The following FOXP1 variants were observed in gnomAD, a reference collection of about 807,000 sequenced individuals.
The protein encoded by FOXP1 is forkhead box P1.
Under a neutral mutation model 98.2 loss-of-function variants are expected in FOXP1, and 15 were observed. The ratio of observed to expected loss-of-function variants is 0.15; its 90% CI spans 0.10 to 0.24. The LOEUF is 0.24. Among genes scored for constraint, FOXP1 ranks in the 10% least tolerant of loss-of-function variants. The pLI, the probability that FOXP1 is intolerant of heterozygous loss-of-function variation, is 1.00. For synonymous variants in FOXP1, 371 were observed against 314.5 expected (o/e 1.18, Z -1.90); for missense variants, 633 against 848.5 (o/e 0.75, Z 3.15).
intron 6 of FOXP1, among the ~76,000 whole-genome samples, chr3:71,180,359 T>C (rs1286746867): frequency 6.6e-6 from 1 of 152,042 alleles, no homozygotes; most frequent in Non-Finnish European, 1.5e-5. Context: ...TGGTTCTAGG[T>C]ACTAATCCCA....
intron 2 of FOXP1, among the ~76,000 whole-genome samples, chr3:71,531,832 A>G (rs1275092951): frequency 6.6e-6 from 1 of 152,200 alleles, no homozygotes; most frequent in Admixed American, 6.5e-5. Context: ...TCTAGACCCA[A>G]GATTTTGTAT....
chr3:71,060,333 A>C (rs1215616398), intron 7 of FOXP1, among the ~76,000 whole-genome samples: 1 of 152,136 alleles, frequency 6.6e-6, no homozygotes, highest in African/African-American at 2.4e-5. Flanking sequence ...AGTTAAGCTA[A>C]AGGGTGCAAA....
At chr3:71,378,767 A>G (rs1004211807) in intron 3 of FOXP1, among the ~76,000 whole-genome samples, 21 of 151,922 alleles carry the variant, frequency 1.4e-4, no homozygotes, top group African/African-American at 4.6e-4. Flanking sequence ...ATTAGTTATT[A>G]TTAATTTGTT....
At chr3:71,394,477 A>C (rs1422077395) in intron 3 of FOXP1, among the ~76,000 whole-genome samples, 3 of 152,178 alleles carry the variant, frequency 2.0e-5, no homozygotes, top group African/African-American at 7.2e-5. Flanking sequence ...ACCCACCATG[A>C]ATTTGTCTGC....
chr3:71,173,993 C>A lies in FOXP1; in HGVS notation c.180+24209G>T, dbSNP rs572394369. Among the ~76,000 whole-genome samples, 5 of 152,272 alleles carry A rather than the reference C, an allele frequency of 3.3e-5. No individual in the cohort carries two copies. The South Asian group carries it at 8.3e-4, about 25-fold the overall frequency. ...AGCAGGGGAACTTTACCACCCTCTA[C>A]ACAGAAAAAATACCCATCTATGCAT... On this transcript the variant is annotated intron_variant, in intron 6 of 20. Coordinates refer to ENST00000649528, the MANE Select transcript of FOXP1 (RefSeq NM_001349338.3).
intron 3 of FOXP1, among the ~76,000 whole-genome samples, chr3:71,381,919 A>T (rs1250190560): frequency 6.6e-6 from 1 of 152,222 alleles, no homozygotes; most frequent in Non-Finnish European, 1.5e-5. Context: ...ACCAAAAGCC[A>T]AGGAAATTGA....
intron 4 of FOXP1, among the ~76,000 whole-genome samples, chr3:71,329,334 GC>G (rs1264825600): frequency 6.6e-6 from 1 of 151,810 alleles, no homozygotes; most frequent in Admixed American, 6.6e-5. Context: ...CCATTCTCCT[GC>G]CTCAGCCTTC....
intron 17 of FOXP1, among the ~76,000 whole-genome samples, chr3:70,973,246 C>A (rs1251246555): frequency 1.3e-5 from 2 of 149,666 alleles, no homozygotes; most frequent in Non-Finnish European, 1.5e-5. Context: ...CCGCCCCCGC[C>A]CCGCCCCGCC....
chr3:71,337,909 C>T (rs7638193), intron 4 of FOXP1, among the ~76,000 whole-genome samples: 58,844 of 152,100 alleles, frequency 0.39, 13,455 homozygotes, highest in East Asian at 0.73. Context: ...ACAAGGGACT[C>T]AAGATATGTA....
rs73838131 is a variant in FOXP1, at chr3:71,017,700, C to T, written c.870-2047G>A. 9.4e-3 allele frequency among the ~76,000 whole-genome samples: 1,430 copies of T among 152,102 alleles called. 16 individuals are homozygous for T. Among genetic ancestry groups the T allele is most frequent in the African/African-American group, 0.033 (1,389 of 41,510 alleles). On this transcript the variant is annotated intron_variant, in intron 11 of 20. Coordinates refer to ENST00000649528, the MANE Select transcript of FOXP1 (RefSeq NM_001349338.3). ...CTCTAGTTATATGCCAAAATTTAACCATTCCTCTATTTTGGACATTGAGTT... is the reference window on the plus strand; with the variant it reads ...CTCTAGTTATATGCCAAAATTTAACTATTCCTCTATTTTGGACATTGAGTT...
At chr3:71,428,679 A>G (rs756859472) in intron 3 of FOXP1, among the ~76,000 whole-genome samples, 1 of 152,236 alleles carries the variant, frequency 6.6e-6, no homozygotes, top group Non-Finnish European at 1.5e-5. Flanking sequence ...CCCTTCAAGA[A>G]GCAGAGTCAT....
rs1577091142 is a variant in FOXP1 at position 71,351,636 on chromosome 3, A to ATTT, written c.-73+7513_-73+7514insAAA. ...CCCCAGATTCACCCTGGTAAATAAA[A>ATTT]AGCCTTCCAGGTGAATGTTTCCAAG... On this transcript the variant is annotated intron_variant, in intron 4 of 20. Transcript: ENST00000649528. Among the ~76,000 whole-genome samples the ATTT allele has an allele frequency of 2.8e-4, 42 of 152,310 alleles. No individual in the cohort carries two copies. In the East Asian group the frequency reaches 7.9e-3, roughly 29 times the overall value.
rs10546380 is a variant in FOXP1, at chr3:71,009,155, C to CGGG, written c.974+6391_974+6393dup. ...TGGTTGGTCAATGAAATCATGGGGG[C>CGGG]GGGGGGGGGGGGGCGCATGACACAC... On this transcript the variant is annotated intron_variant, in intron 12 of 20. Coordinates refer to ENST00000649528, the MANE Select transcript of FOXP1 (RefSeq NM_001349338.3). Among the ~76,000 whole-genome samples, 6 of 20,790 alleles carry CGGG rather than the reference C, an allele frequency of 2.9e-4. 1 individual carries two copies. Among genetic ancestry groups the CGGG allele is most frequent in the Admixed American group, 5.7e-4 (1 of 1,754 alleles). The allele number at this position is 20,790 out of a possible 152,430, so 13.6% of individuals were successfully genotyped here. A position where few individuals can be genotyped will look rare whatever the true frequency, so the allele number is the denominator to read the frequency against.
intron 7 of FOXP1, among the ~76,000 whole-genome samples, chr3:71,058,077 A>C (rs1391367654): frequency 1.3e-5 from 2 of 152,164 alleles, no homozygotes; most frequent in African/African-American, 2.4e-5. Flanking sequence ...GGGAAGGGAA[A>C]AATCTAAAAA....
chr3:70,966,683 A>G (rs1209160204), intron 19 of FOXP1, among the ~76,000 whole-genome samples: 1 of 152,202 alleles, frequency 6.6e-6, no homozygotes, highest in Admixed American at 6.5e-5. Context: ...AGTCCGACCA[A>G]TTGCCTAGGA....
At chr3:71,315,251 G>C (rs2075005574) in intron 4 of FOXP1, among the ~76,000 whole-genome samples, 1 of 152,110 alleles carries the variant, frequency 6.6e-6, no homozygotes, top group South Asian at 2.1e-4. Context: ...GTGGGGAAAA[G>C]GCACAGAACC....
At chr3:71,330,330 T>A (rs1577003148) in intron 4 of FOXP1, among the ~76,000 whole-genome samples, 1 of 152,238 alleles carries the variant, frequency 6.6e-6, no homozygotes, top group East Asian at 1.9e-4. Flanking sequence ...TATAAACAAT[T>A]CATTACATAT....
intron 2 of FOXP1, among the ~76,000 whole-genome samples, chr3:71,579,291 A>T (rs76462336): frequency 1.2e-3 from 188 of 152,328 alleles, no homozygotes; most frequent in African/African-American, 4.3e-3. Context: ...ACAAAATCTT[A>T]GACATCTCCA....
intron 4 of FOXP1, among the ~76,000 whole-genome samples, chr3:71,357,464 T>A (rs143917254): frequency 6.6e-6 from 1 of 152,222 alleles, no homozygotes; most frequent in Non-Finnish European, 1.5e-5. Flanking sequence ...AAATTAAACA[T>A]GTAAGCAAAA....
Sources: allele counts gnomAD v4.1 joint callset (sites outside exome capture counted in the v4.1 genomes callset), GRCh38; gene constraint gnomAD v4.1.1; transcripts MANE v1.5; gene names NCBI Gene and HGNC (gene_info 2026-07-23, HGNC 2026-07-21).